IDH3G: variants seen among roughly 807,000 people sequenced by gnomAD.
IDH3G encodes isocitrate dehydrogenase [NAD] subunit gamma, mitochondrial.
IDH3G carries 9 observed loss-of-function variants against 26.9 expected under a neutral mutation model. The observed-to-expected ratio is 0.34, with a 90% confidence interval of 0.20 to 0.58. The LOEUF is 0.58. IDH3G is among the 20% of genes least tolerant of loss of function. The pLI is 0.85. For missense variants in IDH3G, 250 were observed against 372.8 expected (o/e 0.67, Z 2.71); for synonymous variants, 181 against 160.0 (o/e 1.13, Z -0.99).
intron 1 of IDH3G, among the ~76,000 whole-genome samples, chrX:153,791,973 G>A (rs1184665695): frequency 3.6e-5 from 4 of 111,964 alleles, no homozygotes; most frequent in African/African-American, 9.7e-5. Flanking sequence ...GCTTATCAAC[G>A]GGTCGGGACT....
chrX:153,786,401 G>A lies in IDH3G; in HGVS notation c.973C>T (p.Pro325Ser). 8.3e-7 allele frequency: 1 copy of A among 1,205,432 alleles called. No individual in the cohort carries two copies. Among genetic ancestry groups the A allele is most frequent in the Non-Finnish European group, 1.1e-6 (1 of 892,064 alleles). ...KSIANKNIAN[P>S]TATLLASCMM... ...CAGCTGGCCAGCAGGGTGGCCGTGGGGTTGGCGATGTTCTTATTGGCGATA... is the reference window on the plus strand; with the variant it reads ...CAGCTGGCCAGCAGGGTGGCCGTGGAGTTGGCGATGTTCTTATTGGCGATA... The change falls in exon 11 of 13, where the codon CCC (proline) becomes TCC (serine). Residue 325 changes from proline to serine, a missense_variant. Transcript: ENST00000217901.
chrX:153,790,991 T>C, intron 1 of IDH3G, 140 bp from the exon 2 acceptor site: 1 of 510,911 alleles, frequency 2.0e-6, no homozygotes, highest in South Asian at 3.1e-5. Flanking sequence ...GCACAATAGA[T>C]AATTAGCTCC....
chrX:153,789,267 T>G (rs1603255621), intron 5 of IDH3G: 1 of 329,176 alleles, frequency 3.0e-6, no homozygotes. Context: ...TCACAGGGGC[T>G]GGGCACGACG....
intron 8 of IDH3G, 119 bp from the exon 9 acceptor site, chrX:153,787,272 C>G (rs1325042293): frequency 1.3e-6 from 1 of 749,313 alleles, no homozygotes; most frequent in East Asian, 3.3e-5. Context: ...CCCTCACCAG[C>G]AAAATGGACA....
At chrX:153,793,668 C>T (rs1326102570) in intron 1 of IDH3G, 2 of 111,831 alleles carry the variant, frequency 1.8e-5, no homozygotes, top group African/African-American at 6.5e-5. Flanking sequence ...AAAGAAGACT[C>T]GGACCTGAAT....
rs2092104238 is a variant in IDH3G at position 153,790,222 on chromosome X, A to C, written c.206T>G (p.Leu69Arg). 8.3e-7 allele frequency: 1 copy of C among 1,208,681 alleles called. No homozygotes were observed. The highest frequency in any genetic ancestry group is 1.1e-6 in the Non-Finnish European group (1 of 893,518). Reference protein sequence around the residue: ...MIPGDGIGPELMLHVKSVFRH... With the variant: ...MIPGDGIGPERMLHVKSVFRH... ...GAAGACGGACTTGACATGCAGCATG[A>C]GCTCTGGCCCGATGCCATCCCCTGG... Residue 69 changes from leucine (L) to arginine (R), a missense_variant, in exon 4 of 13, where the codon CTC (leucine) becomes CGC (arginine). By Grantham distance (102) the Leu-to-Arg change is moderately radical. This residue lies in a region of IDH3G where 201 missense variants were observed against 331.3 expected (regional missense o/e 0.61). Coordinates refer to ENST00000217901, the MANE Select transcript of IDH3G (RefSeq NM_004135.4).
At position 153,790,975 on chromosome X, in the gene IDH3G, C is replaced by G. The variant is rs2092107628; in HGVS notation, c.82-124G>C. ...CCTGTCTGTGCAGCATGGCCCACTGCCAGGGGCACAATAGATAATTAGCTC... is the reference window on the plus strand; with the variant it reads ...CCTGTCTGTGCAGCATGGCCCACTGGCAGGGGCACAATAGATAATTAGCTC... On this transcript the variant is annotated intron_variant, in intron 1 of 12. Coordinates refer to ENST00000217901, the MANE Select transcript of IDH3G (RefSeq NM_004135.4). 5.2e-6 allele frequency: 3 copies of G among 573,201 alleles called. No individual in the cohort carries two copies. In the East Asian group the frequency reaches 1.0e-4, roughly 20 times the overall value. The allele number at this position is 573,201 out of a possible 1,213,427, so 47.2% of individuals were successfully genotyped here.
intron 1 of IDH3G, 95 bp downstream of exon 1, chrX:153,794,151 C>T: frequency 2.0e-6 from 2 of 984,185 alleles, no homozygotes; most frequent in Non-Finnish European, 2.7e-6. Flanking sequence ...CTGGTGGGGC[C>T]CCTAGCCAAT....
At chrX:153,790,153 C>T (rs2071124) in intron 4 of IDH3G, 42 bp downstream of exon 4, 87,352 of 1,068,733 alleles carry the variant, frequency 0.082, 2,879 homozygotes, top group East Asian at 0.18. Context: ...GTCCTCAGGG[C>T]CCCCTGGCTG....
chrX:153,788,549 C>T (rs1432517951), intron 5 of IDH3G, among the ~76,000 whole-genome samples: 1 of 112,900 alleles, frequency 8.9e-6, no homozygotes, highest in Admixed American at 9.3e-5. Flanking sequence ...CACTCAGAGG[C>T]AGGCGGGGGC....
At position 153,788,123 on chromosome X, in the gene IDH3G, G is replaced by A. The variant is rs1416295422; in HGVS notation, c.359C>T (p.Thr120Ile). ...NRVALKGNIE[T>I]NHNLPPSHKS... ...GTGCGACGGTGGCAGGTTATGGTTGGTTTCGATGTTGCCTACAAAACACAA... is the reference window on the plus strand; with the variant it reads ...GTGCGACGGTGGCAGGTTATGGTTGATTTCGATGTTGCCTACAAAACACAA... Residue 120 changes from threonine to isoleucine, a missense_variant, in exon 6 of 13, where the codon ACC (threonine) becomes ATC (isoleucine). Physicochemically the swap from Thr to Ile is moderately conservative, Grantham distance 89. Coordinates refer to ENST00000217901, the MANE Select transcript of IDH3G (RefSeq NM_004135.4). 1.7e-6 allele frequency: 2 copies of A among 1,210,693 alleles called. No homozygotes were observed. The highest frequency in any genetic ancestry group is 2.2e-6 in the Non-Finnish European group (2 of 895,171).
In IDH3G at chrX:153,785,988, C is replaced by G. The variant is rs945801138; in HGVS notation, c.1081-15G>C. Reference sequence around the variant, plus strand: ...GGAGTGTGCATCTGTAGGACACAGGCAGGCTCGGCACACACCAGGCCCTGC... The same window carrying G: ...GGAGTGTGCATCTGTAGGACACAGGGAGGCTCGGCACACACCAGGCCCTGC... On this transcript the variant is annotated splice_polypyrimidine_tract_variant and intron_variant, in intron 12 of 12. Transcript: ENST00000217901. 2 of 1,210,985 alleles carry G rather than the reference C, an allele frequency of 1.7e-6. No homozygotes were observed.
In IDH3G at chrX:153,790,343, C is replaced by G. The variant is rs782612623; in HGVS notation, c.136-51G>C. On this transcript the variant is annotated intron_variant, in intron 3 of 12. Transcript: ENST00000217901. Reference sequence around the variant, plus strand: ...GGCCTTCGGGGATCCCACATGCCCCCAGCTCGGCCCCCATGGGCTCAAGCC... The same window carrying G: ...GGCCTTCGGGGATCCCACATGCCCCGAGCTCGGCCCCCATGGGCTCAAGCC... 4.0e-5 allele frequency: 42 copies of G among 1,051,843 alleles called. No individual in the cohort carries two copies. In the Admixed American group the frequency reaches 8.2e-4, roughly 20 times the overall value. The allele number at this position is 1,051,843 out of a possible 1,213,427, so 86.7% of individuals were successfully genotyped here.
At chrX:153,793,578 A>T (rs1443307710) in intron 1 of IDH3G, 5 of 112,527 alleles carry the variant, frequency 4.4e-5, no homozygotes, top group African/African-American at 1.6e-4. Flanking sequence ...CATCAGGGCC[A>T]GGTGCTGGCT....
Position 153,787,881 on chromosome X carries a change from A to G in IDH3G, c.482T>C (p.Ile161Thr), listed in dbSNP as rs1603255390. Residue 161 changes from isoleucine to threonine, a missense_variant, in exon 7 of 13, where the codon ATA (isoleucine) becomes ACA (threonine). Ile to Thr is a moderately conservative substitution (Grantham distance 89). Transcript: ENST00000217901. ...GTTCTCCCGGACAATGAGGATGTCT[A>G]TGTCCTTGTGCCGGGTCACCACGCC... Reference protein sequence around the residue: ...LPGVVTRHKDIDILIVRENTE... With the variant: ...LPGVVTRHKDTDILIVRENTE... The G allele has an allele frequency of 2.5e-6, 3 of 1,210,193 alleles. No individual in the cohort carries two copies. The highest frequency in any genetic ancestry group is 2.2e-6 in the Non-Finnish European group (2 of 893,996).
At chrX:153,790,410 C>T (rs887121868) in intron 3 of IDH3G, 118 bp from the exon 4 acceptor site, 14 of 876,991 alleles carry the variant, frequency 1.6e-5, no homozygotes, top group Non-Finnish European at 2.1e-5. Context: ...CAGGCTGCCC[C>T]GTCACAAGGT....
chrX:153,786,997 TGA>T, intron 9 of IDH3G, 50 bp from the exon 10 acceptor site: 1 of 1,198,828 alleles, frequency 8.3e-7, no homozygotes, highest in Admixed American at 2.2e-5. Context: ...GAAGCATGGG[TGA>T]GAGAAGCCCA....
chrX:153,787,164 G>T lies in IDH3G; in HGVS notation c.675-11C>A, dbSNP rs369540060. On this transcript the variant is annotated splice_polypyrimidine_tract_variant and intron_variant, in intron 8 of 12. Transcript: ENST00000217901. Reference sequence around the variant, plus strand: ...CCATCGCCCAGTTTCCTGGTGGGGGGTTAGGAATAGGACACCAGCTTGGCC... The same window carrying T: ...CCATCGCCCAGTTTCCTGGTGGGGGTTTAGGAATAGGACACCAGCTTGGCC... 1.9e-5 allele frequency: 22 copies of T among 1,169,759 alleles called. No individual in the cohort carries two copies. The highest frequency in any genetic ancestry group is 2.3e-5 in the Non-Finnish European group (20 of 859,707).
chrX:153,789,997 C>T (rs1339610328), intron 4 of IDH3G, 173 bp from the exon 5 acceptor site: 2 of 480,230 alleles, frequency 4.2e-6, no homozygotes, highest in African/African-American at 2.4e-5. Context: ...CCACAATGCA[C>T]ACTGTGGCAG....
Sources: gnomAD v4.1 joint callset for allele counts (sites outside exome capture counted in the v4.1 genomes callset) on GRCh38, gnomAD v4.1.1 for gene constraint, gnomAD v4.1.1 regional missense constraint, MANE v1.5 for transcripts, NCBI Gene and HGNC (gene_info 2026-07-23, HGNC 2026-07-21) for gene names.